Variants in PTCHD4 observed in about 807,000 individuals in gnomAD.
The protein encoded by PTCHD4 is patched domain-containing protein 4.
Under a neutral mutation model 58.1 loss-of-function variants are expected in PTCHD4, and 33 were observed. The ratio of observed to expected loss-of-function variants is 0.57; its 90% CI spans 0.43 to 0.76. The LOEUF (loss-of-function observed/expected upper bound fraction) is 0.76, where lower values mean the gene tolerates loss of function less well. PTCHD4 is among the 30% of genes least tolerant of loss of function. The pLI is 0.00. For synonymous variants in PTCHD4, 478 were observed against 409.6 expected (o/e 1.17, Z -2.02); for missense variants, 1,058 against 1,027.1 (o/e 1.03, Z -0.41).
chr6:48,053,212 T>C (rs1263770034), intron 3 of PTCHD4, among the ~76,000 whole-genome samples: 1 of 152,096 alleles, frequency 6.6e-6, no homozygotes, highest in African/African-American at 2.4e-5. Context: ...ACAGAAAACA[T>C]GCAATTTGGC....
chr6:48,033,301 G>A (rs1005428073), intron 3 of PTCHD4, among the ~76,000 whole-genome samples: 2 of 151,984 alleles, frequency 1.3e-5, no homozygotes, highest in African/African-American at 4.8e-5. Flanking sequence ...CTGAGAGTGA[G>A]AAGCCCTCTG....
Position 47,867,934 on chromosome 6 carries a change from C to T in PTCHD4, c.*10369G>A, listed in dbSNP as rs945010021. On this transcript the variant is annotated 3_prime_UTR_variant, in exon 5 of 5. Coordinates refer to ENST00000339488, the MANE Select transcript of PTCHD4 (RefSeq NM_001384253.1). ...TACAATCACAAGCCATCTAGGGGTA[C>T]TTCAGAAACCCATCTACATCAAATC... Among the ~76,000 whole-genome samples, 5 of 151,656 alleles carry T rather than the reference C, an allele frequency of 3.3e-5. No homozygotes were observed. Among genetic ancestry groups the T allele is most frequent in the African/African-American group, 1.2e-4 (5 of 41,374 alleles).
chr6:47,975,471 T>A (rs1448072024), intron 4 of PTCHD4, among the ~76,000 whole-genome samples: 1 of 151,980 alleles, frequency 6.6e-6, no homozygotes, highest in Non-Finnish European at 1.5e-5. Context: ...CATAGGACAA[T>A]GTGTGGCATG....
chr6:48,041,909 G>A (rs1011496107), intron 3 of PTCHD4, among the ~76,000 whole-genome samples: 2 of 151,926 alleles, frequency 1.3e-5, no homozygotes, highest in Admixed American at 1.3e-4. Flanking sequence ...AAAATTAAAA[G>A]TGTTTGGATT....
At chr6:48,001,205 C>T (rs1768710301) in intron 4 of PTCHD4, among the ~76,000 whole-genome samples, 2 of 152,132 alleles carry the variant, frequency 1.3e-5, no homozygotes, top group Admixed American at 6.5e-5. Flanking sequence ...AGATTCAATG[C>T]CATCCCCATC....
chr6:48,045,783 T>G (rs577988717), intron 3 of PTCHD4, among the ~76,000 whole-genome samples: 1 of 151,580 alleles, frequency 6.6e-6, no homozygotes, highest in African/African-American at 2.4e-5. Flanking sequence ...TTTTTCTTTT[T>G]TTTTTTTCCC....
At chr6:48,022,522 A>G (rs1444765103) in intron 3 of PTCHD4, among the ~76,000 whole-genome samples, 1 of 152,146 alleles carries the variant, frequency 6.6e-6, no homozygotes, top group East Asian at 1.9e-4. Context: ...AATAATTGAA[A>G]GTCTTTTAAT....
intron 3 of PTCHD4, among the ~76,000 whole-genome samples, chr6:48,053,867 G>T (rs759877752): frequency 8.5e-5 from 13 of 152,100 alleles, no homozygotes; most frequent in Non-Finnish European, 1.8e-4. Flanking sequence ...ATGGTACCGT[G>T]GTACCTGGTG....
rs996843292 is a variant in PTCHD4, at chr6:47,870,363, C to A, written c.*7940G>T. On this transcript the variant is annotated 3_prime_UTR_variant, in exon 5 of 5. Transcript: ENST00000339488. ...CCAAAACATGAAAATAATGATGAAC[C>A]GAACAAGGAAATATTTGGAACATAA... 6.6e-6 allele frequency among the ~76,000 whole-genome samples: 1 copy of A among 151,376 alleles called. No individual in the cohort carries two copies. The highest frequency in any genetic ancestry group is 1.5e-5 in the Non-Finnish European group (1 of 67,676).
At chr6:48,012,703 T>C (rs1762724175) in intron 3 of PTCHD4, among the ~76,000 whole-genome samples, 1 of 152,208 alleles carries the variant, frequency 6.6e-6, no homozygotes, top group South Asian at 2.1e-4. Flanking sequence ...TGATATTGGC[T>C]ATGGATCTGT....
intron 4 of PTCHD4, among the ~76,000 whole-genome samples, chr6:47,940,955 C>G (rs1228590145): frequency 6.6e-6 from 1 of 152,152 alleles, no homozygotes; most frequent in Non-Finnish European, 1.5e-5. Flanking sequence ...ACTAATAAAT[C>G]TTGACTTCCT....
chr6:47,985,331 AT>A (rs985912341), intron 4 of PTCHD4, among the ~76,000 whole-genome samples: 1 of 152,136 alleles, frequency 6.6e-6, no homozygotes, highest in African/African-American at 2.4e-5. Flanking sequence ...ACAAGGACAA[AT>A]TTTAGGACAC....
intron 1 of PTCHD4, among the ~76,000 whole-genome samples, chr6:48,091,960 A>G (rs1351217610): frequency 6.6e-6 from 1 of 151,848 alleles, no homozygotes; most frequent in Non-Finnish European, 1.5e-5. Flanking sequence ...CTATTTTCTA[A>G]GATGCCCAGA....
chr6:47,892,551 T>C (rs1014367389), intron 4 of PTCHD4, among the ~76,000 whole-genome samples: 1 of 152,210 alleles, frequency 6.6e-6, no homozygotes, highest in African/African-American at 2.4e-5. Flanking sequence ...TCTTTTATCC[T>C]ATAAAGAGTA....
At chr6:48,055,317 A>C (rs1442292530) in intron 3 of PTCHD4, among the ~76,000 whole-genome samples, 1 of 152,236 alleles carries the variant, frequency 6.6e-6, no homozygotes, top group Non-Finnish European at 1.5e-5. Flanking sequence ...ATGGGAAATA[A>C]ATTTCCAGTC....
At chr6:48,104,250 C>G (rs1765670543) in intron 1 of PTCHD4, among the ~76,000 whole-genome samples, 1 of 152,218 alleles carries the variant, frequency 6.6e-6, no homozygotes, top group South Asian at 2.1e-4. Flanking sequence ...AACAGCTGAT[C>G]TCTCGGCAGA....
intron 4 of PTCHD4, among the ~76,000 whole-genome samples, chr6:47,976,655 AAAAT>A (rs141002670): frequency 0.079 from 11,260 of 142,482 alleles, 704 homozygotes; most frequent in African/African-American, 0.17. Context: ...ACTCCATATC[AAAAT>A]AAATAAATAA....
intron 4 of PTCHD4, among the ~76,000 whole-genome samples, chr6:47,962,088 G>T (rs926966670): frequency 3.3e-5 from 5 of 152,082 alleles, no homozygotes; most frequent in Admixed American, 6.5e-5. Flanking sequence ...CATCATTACA[G>T]ATCTACAGAT....
chr6:48,008,592 C>T, intron 4 of PTCHD4, 42 bp downstream of exon 4: 6 of 1,585,566 alleles, frequency 3.8e-6, no homozygotes, highest in Non-Finnish European at 5.2e-6. Flanking sequence ...TACCTTGCCC[C>T]AAACCGGTAA....
Sources: gnomAD v4.1 joint callset for allele counts (sites outside exome capture counted in the v4.1 genomes callset) on GRCh38, gnomAD v4.1.1 for gene constraint, MANE v1.5 for transcripts, NCBI Gene and HGNC (gene_info 2026-07-23, HGNC 2026-07-21) for gene names.